TTLL6: variants seen among roughly 807,000 people sequenced by gnomAD.
TTLL6 encodes the protein tubulin tyrosine ligase like 6.
TTLL6 carries 75 observed loss-of-function variants against 96.4 expected under a neutral mutation model. The observed-to-expected ratio is 0.78, with a 90% confidence interval of 0.65 to 0.94. TTLL6 has a LOEUF of 0.94. Among genes scored for constraint, TTLL6 ranks in the 40% least tolerant of loss-of-function variants. TTLL6 has a pLI of 0.00. For missense variants in TTLL6, 1,030 were observed against 1,093.0 expected, an observed-to-expected ratio of 0.94 and a Z score of 0.81; for synonymous variants, 411 against 419.4, an observed-to-expected ratio of 0.98 and a Z score of 0.24.
rs1306670592 is a variant in TTLL6 at position 48,817,207 on chromosome 17, A to T, written c.-135T>A. The T allele has an allele frequency of 1.8e-6, 1 of 565,174 alleles. No individual in the cohort carries two copies. The highest frequency in any genetic ancestry group is 2.9e-6 in the Non-Finnish European group (1 of 342,892). 35.0% of individuals were successfully genotyped at this position (565,174 alleles called of 1,614,324 possible). A position where few individuals can be genotyped will look rare whatever the true frequency, so the allele number is the denominator to read the frequency against. On this transcript the variant is annotated 5_prime_UTR_variant, in exon 1 of 16. Coordinates refer to ENST00000393382, the MANE Select transcript of TTLL6 (RefSeq NM_001130918.3). ...AGCTGCCATGCCCCCTCCCTCCCGA[A>T]TCCAATTAACCGCCCAGGCGCTAGG...
rs1317503925 is a variant in TTLL6, at chr17:48,791,671, G to A, written c.999-68C>T. On this transcript the variant is annotated intron_variant, in intron 8 of 15. Coordinates refer to ENST00000393382, the MANE Select transcript of TTLL6 (RefSeq NM_001130918.3). The stretch of plus-strand genomic sequence containing the variant: ...TGGTCACCCGAGGCCATGGCATGCT[G>A]GAAACCAGAAACTCCTGGCGGAGAC... 4 of 1,365,242 alleles carry A rather than the reference G, an allele frequency of 2.9e-6. No homozygotes were observed. The African/African-American group carries it at 5.8e-5, about 20-fold the overall frequency. 84.6% of individuals were successfully genotyped at this position (1,365,242 alleles called of 1,614,324 possible). A position where few individuals can be genotyped will look rare whatever the true frequency, so the allele number is the denominator to read the frequency against.
chr17:48,808,939 A>C (rs951206937), intron 1 of TTLL6, among the ~76,000 whole-genome samples: 3 of 151,880 alleles, frequency 2.0e-5, no homozygotes, highest in African/African-American at 7.3e-5. Flanking sequence ...GCACCCTTCC[A>C]CCTTTCTCTA....
chr17:48,799,552 A>G, intron 6 of TTLL6, 52 bp downstream of exon 6: 2 of 1,516,454 alleles, frequency 1.3e-6, no homozygotes, highest in Admixed American at 2.0e-5. Context: ...CAGTGGAGCT[A>G]AAGTCCGCGG....
intron 13 of TTLL6, among the ~76,000 whole-genome samples, chr17:48,777,011 GACACACACACACACAC>G (rs71369215): frequency 7.1e-6 from 1 of 141,394 alleles, no homozygotes; most frequent in Non-Finnish European, 1.5e-5. Flanking sequence ...CATAAGGATA[GACACACACACACACAC>G]ACACACACAC....
chr17:48,772,122 AAAAG>A (rs1352587533), intron 13 of TTLL6, among the ~76,000 whole-genome samples: 1 of 151,806 alleles, frequency 6.6e-6, no homozygotes, highest in Non-Finnish European at 1.5e-5. Flanking sequence ...GATATGCAAA[AAAAG>A]AAAAGAAAAG....
At chr17:48,770,213 C>T (rs11868085) in intron 13 of TTLL6, 116 bp from the exon 14 acceptor site, 359,168 of 1,400,572 alleles carry the variant, frequency 0.26, 46,853 homozygotes, top group Admixed American at 0.38. Flanking sequence ...CCCAGGCTGG[C>T]CTCAAATTGG....
chr17:48,804,908 A>C lies in TTLL6; in HGVS notation c.187T>G (p.Ser63Ala). 6.4e-7 allele frequency: 1 copy of C among 1,551,812 alleles called. No individual in the cohort carries two copies. The highest frequency in any genetic ancestry group is 1.2e-5 in the South Asian group (1 of 84,054). The part of the protein sequence containing the change: ...PTLESQEGEN[S>A]EEKGDSSKED... Reference sequence around the variant, plus strand: ...TTGGAACTGTCCCCCTTCTCTTCGGAGTTTTCCCCTTCCTGGCTTTCCAAA... The same window carrying C: ...TTGGAACTGTCCCCCTTCTCTTCGGCGTTTTCCCCTTCCTGGCTTTCCAAA... The change falls in exon 2 of 16, where the codon TCC becomes GCC. Residue 63 changes from serine (S) to alanine (A), a missense_variant. By Grantham distance (99) the Ser-to-Ala change is moderately conservative. Coordinates refer to ENST00000393382, the MANE Select transcript of TTLL6 (RefSeq NM_001130918.3).
chr17:48,774,406 C>T (rs555956665), intron 13 of TTLL6, among the ~76,000 whole-genome samples: 5 of 151,588 alleles, frequency 3.3e-5, no homozygotes, highest in Admixed American at 1.3e-4. Flanking sequence ...TCAGGCAATC[C>T]GCCCGCCTCG....
chr17:48,803,724 G>T (rs1054183062), intron 3 of TTLL6, among the ~76,000 whole-genome samples, 167 bp downstream of exon 3: 2 of 152,186 alleles, frequency 1.3e-5, no homozygotes, highest in Non-Finnish European at 2.9e-5. Flanking sequence ...CTTGGAATAG[G>T]ATTCCCAACC....
intron 14 of TTLL6, 41 bp downstream of exon 14, chr17:48,769,687 C>T: frequency 6.3e-7 from 1 of 1,592,688 alleles, no homozygotes; most frequent in African/African-American, 1.3e-5. Flanking sequence ...TCCCTCTCCC[C>T]TTTAAGCTCC....
In TTLL6 at chr17:48,803,792, G is replaced by T. The variant is rs1042369381; in HGVS notation, c.361+99C>A. Reference sequence around the variant, plus strand: ...ACTGAAGGACAGGATTTGAAGATACGCCCTTTCATCCTCACAAATATACAA... The same window carrying T: ...ACTGAAGGACAGGATTTGAAGATACTCCCTTTCATCCTCACAAATATACAA... On this transcript the variant is annotated intron_variant, in intron 3 of 15. Coordinates refer to ENST00000393382, the MANE Select transcript of TTLL6 (RefSeq NM_001130918.3). The T allele has an allele frequency of 4.1e-6, 5 of 1,208,418 alleles. No individual in the cohort carries two copies. In the Admixed American group the frequency reaches 6.3e-5, roughly 15 times the overall value. 74.9% of individuals were successfully genotyped at this position (1,208,418 alleles called of 1,614,324 possible).
At chr17:48,766,931 G>GTTGTT (rs10606369) in intron 15 of TTLL6, among the ~76,000 whole-genome samples, 10 of 151,106 alleles carry the variant, frequency 6.6e-5, no homozygotes, top group South Asian at 2.1e-4. Flanking sequence ...TTTTGTTGTT[G>GTTGTT]TTGTTTTGTT....
chr17:48,781,940 G>A (rs1184142074), intron 13 of TTLL6, among the ~76,000 whole-genome samples: 2 of 152,124 alleles, frequency 1.3e-5, no homozygotes, highest in Non-Finnish European at 2.9e-5. Flanking sequence ...CATCAAACTT[G>A]CCAGCACCTT....
intron 1 of TTLL6, among the ~76,000 whole-genome samples, chr17:48,814,227 G>A (rs762895701): frequency 1.4e-5 from 2 of 147,572 alleles, no homozygotes; most frequent in South Asian, 2.1e-4. Context: ...GCTGGGGCAG[G>A]AGAATCGCTT....
chr17:48,770,414 G>A (rs1281186054), intron 13 of TTLL6, among the ~76,000 whole-genome samples: 1 of 152,002 alleles, frequency 6.6e-6, no homozygotes, highest in African/African-American at 2.4e-5. Context: ...AAGACAGTAG[G>A]AGACTCTACA....
chr17:48,787,694 T>C (rs2143338897), intron 11 of TTLL6, 117 bp downstream of exon 11: 1 of 1,049,268 alleles, frequency 9.5e-7, no homozygotes, highest in Non-Finnish European at 1.4e-6. Context: ...CGGCGCCTGG[T>C]TGCTCTGGCA....
intron 3 of TTLL6, 61 bp from the exon 4 acceptor site, chr17:48,801,704 A>C: frequency 7.2e-7 from 1 of 1,393,892 alleles, no homozygotes; most frequent in Admixed American, 2.1e-5. Flanking sequence ...GGGTGGGGAG[A>C]TTCCATTACT....
At chr17:48,769,275 G>A in intron 14 of TTLL6, 21 bp from the exon 15 acceptor site, 1 of 1,576,364 alleles carries the variant, frequency 6.3e-7, no homozygotes, top group South Asian at 1.2e-5. Context: ...AAAGTCAGAA[G>A]CATCAGCGAT....
At chr17:48,791,308 G>A (rs2039216605) in intron 9 of TTLL6, 70 bp downstream of exon 9, 1 of 1,372,752 alleles carries the variant, frequency 7.3e-7, no homozygotes, top group African/African-American at 1.4e-5. Context: ...AGCCAGGAGG[G>A]CGGAATCCTT....
Sources: allele counts gnomAD v4.1 joint callset (sites outside exome capture counted in the v4.1 genomes callset), GRCh38; gene constraint gnomAD v4.1.1; transcripts MANE v1.5; gene names NCBI Gene and HGNC (gene_info 2026-07-23, HGNC 2026-07-21).